Variants in CCSER2 observed in about 807,000 individuals in gnomAD.
CCSER2 encodes serine-rich coiled-coil domain-containing protein 2.
In CCSER2, 46 loss-of-function variants were observed where a neutral mutation model predicts 92.3. The ratio of observed to expected loss-of-function variants is 0.50; its 90% confidence interval spans 0.39 to 0.64. The LOEUF (loss-of-function observed/expected upper bound fraction) is 0.64, where lower values mean the gene tolerates loss of function less well. Among genes scored for constraint, CCSER2 ranks in the 30% least tolerant of loss-of-function variants. The pLI is 0.00. For missense variants in CCSER2, 1,244 were observed against 1,238.9 expected (o/e 1.00, Z -0.06); for synonymous variants, 433 against 431.4 (o/e 1.00, Z -0.04).
intron 6 of CCSER2, among the ~76,000 whole-genome samples, chr10:84,447,894 C>A (rs1031062518): frequency 6.6e-6 from 1 of 152,108 alleles, no homozygotes; most frequent in South Asian, 2.1e-4. Flanking sequence ...GCAGCCTCGA[C>A]CTCCTGGGCT....
intron 9 of CCSER2, among the ~76,000 whole-genome samples, chr10:84,502,981 TTG>T (rs1380730490): frequency 2.0e-5 from 3 of 152,098 alleles, no homozygotes; most frequent in Admixed American, 6.5e-5. Flanking sequence ...TCCCAGCACT[TTG>T]TGGGGCCGAG....
intron 9 of CCSER2, among the ~76,000 whole-genome samples, chr10:84,500,746 GTCAA>G (rs775139277): frequency 3.9e-5 from 6 of 152,146 alleles, no homozygotes; most frequent in South Asian, 2.1e-4. Flanking sequence ...TGTAAATACA[GTCAA>G]TCAGAGGTAT....
chr10:84,350,115 T>C (rs1277660887), intron 1 of CCSER2, among the ~76,000 whole-genome samples: 1 of 152,208 alleles, frequency 6.6e-6, no homozygotes, highest in African/African-American at 2.4e-5. Context: ...ATCATGCCAC[T>C]GCACTCCAGC....
chr10:84,444,252 GT>G (rs1844770920), intron 6 of CCSER2, among the ~76,000 whole-genome samples: 1 of 152,126 alleles, frequency 6.6e-6, no homozygotes, highest in African/African-American at 2.4e-5. Flanking sequence ...GCATTGTTCT[GT>G]TGGTAGTAGT....
At chr10:84,343,015 G>A (rs1194055768) in intron 1 of CCSER2, among the ~76,000 whole-genome samples, 2 of 152,108 alleles carry the variant, frequency 1.3e-5, no homozygotes, top group Admixed American at 1.3e-4. Flanking sequence ...TAGGATAACA[G>A]GCACCTGCCA....
chr10:84,376,152 A>G (rs1043130809), intron 3 of CCSER2, among the ~76,000 whole-genome samples: 25 of 152,226 alleles, frequency 1.6e-4, no homozygotes, highest in African/African-American at 5.5e-4. Context: ...AAGGATCCCA[A>G]CAAATAGTTT....
chr10:84,341,850 T>C (rs149380528), intron 1 of CCSER2, among the ~76,000 whole-genome samples: 3 of 152,276 alleles, frequency 2.0e-5, no homozygotes, highest in African/African-American at 7.2e-5. Context: ...TTAAGAAATA[T>C]AGATGAACAG....
chr10:84,511,101 G>T (rs1849324825), intron 9 of CCSER2, among the ~76,000 whole-genome samples: 1 of 152,070 alleles, frequency 6.6e-6, no homozygotes, highest in Non-Finnish European at 1.5e-5. Flanking sequence ...TAGTAGTATA[G>T]ATGTCTAACT....
rs527510651 is a variant in CCSER2 at position 84,360,987 on chromosome 10, C to T, written c.-39-10027C>T. Among the ~76,000 whole-genome samples, 3 of 152,168 alleles carry T rather than the reference C, an allele frequency of 2.0e-5. No homozygotes were observed. In the East Asian group the frequency reaches 5.8e-4, roughly 29 times the overall value. On this transcript the variant is annotated intron_variant, in intron 1 of 9. Coordinates refer to ENST00000372088, the MANE Select transcript of CCSER2 (RefSeq NM_001284240.2). ...ATGCACTGGATTTTTTTCCTGTGCC[C>T]CTGGGTGAGAAGTCTTGCTGCTGCT...
chr10:84,466,994 G>A (rs1246239707), intron 7 of CCSER2, among the ~76,000 whole-genome samples: 3 of 152,008 alleles, frequency 2.0e-5, no homozygotes, highest in Admixed American at 6.6e-5. Flanking sequence ...TCTTGAGTGC[G>A]CCTCCTCTAC....
chr10:84,514,569 A>G lies in CCSER2; in HGVS notation c.*302A>G. The stretch of plus-strand genomic sequence containing the variant: ...CACGTCAGAAAATTCATAATATTTT[A>G]CTGAGCAGGCAAGAAGTGTGCTTTG... On this transcript the variant is annotated 3_prime_UTR_variant, in exon 10 of 10. Coordinates refer to ENST00000372088, the MANE Select transcript of CCSER2 (RefSeq NM_001284240.2). The G allele has an allele frequency of 2.8e-6, 1 of 352,996 alleles. No individual in the cohort carries two copies. Among genetic ancestry groups the G allele is most frequent in the Non-Finnish European group, 5.1e-6 (1 of 195,530 alleles). 21.9% of individuals were successfully genotyped at this position (352,996 alleles called of 1,614,324 possible). A position where few individuals can be genotyped will look rare whatever the true frequency, so the allele number is the denominator to read the frequency against.
At chr10:84,352,497 G>A (rs1231929926) in intron 1 of CCSER2, among the ~76,000 whole-genome samples, 2 of 151,748 alleles carry the variant, frequency 1.3e-5, no homozygotes, top group African/African-American at 4.8e-5. Flanking sequence ...GAAGAATGAC[G>A]GGGGTGGGGA....
chr10:84,472,441 C>G (rs2133717143), intron 8 of CCSER2, among the ~76,000 whole-genome samples: 1 of 152,124 alleles, frequency 6.6e-6, no homozygotes, highest in Non-Finnish European at 1.5e-5. Flanking sequence ...TGTGGTGGTT[C>G]ACGCCTGTAG....
intron 3 of CCSER2, 77 bp downstream of exon 3, chr10:84,373,892 TA>T: frequency 1.9e-6 from 3 of 1,575,422 alleles, no homozygotes; most frequent in Non-Finnish European, 2.6e-6. Context: ...ATTGATTTTG[TA>T]AAAAATTTAT....
At chr10:84,445,752 AATATT>A (rs1207084261) in intron 6 of CCSER2, among the ~76,000 whole-genome samples, 3 of 152,216 alleles carry the variant, frequency 2.0e-5, no homozygotes, top group Non-Finnish European at 4.4e-5. Flanking sequence ...TCTTTTGCTT[AATATT>A]ATATTCATGA....
chr10:84,381,948 C>A (rs992966668), intron 3 of CCSER2, among the ~76,000 whole-genome samples: 14 of 149,954 alleles, frequency 9.3e-5, no homozygotes, highest in African/African-American at 3.4e-4. Flanking sequence ...GAACATCCGT[C>A]GTGGACAAGA....
intron 1 of CCSER2, among the ~76,000 whole-genome samples, chr10:84,346,792 GTTTAT>G (rs1001815926): frequency 2.0e-5 from 3 of 149,942 alleles, no homozygotes; most frequent in African/African-American, 7.4e-5. Flanking sequence ...TTATTTATTT[GTTTAT>G]TTTATTGATC....
chr10:84,378,015 G>A (rs933291322), intron 3 of CCSER2, among the ~76,000 whole-genome samples: 2 of 152,006 alleles, frequency 1.3e-5, no homozygotes, highest in Admixed American at 6.5e-5. Context: ...CATACCATTT[G>A]CAAAAAAGTT....
chr10:84,348,961 C>G (rs1024306479), intron 1 of CCSER2, among the ~76,000 whole-genome samples: 14 of 151,808 alleles, frequency 9.2e-5, no homozygotes, highest in African/African-American at 3.4e-4. Context: ...ATGTATTTCC[C>G]AGTCATAGGG....
Sources: allele counts gnomAD v4.1 joint callset (sites outside exome capture counted in the v4.1 genomes callset), GRCh38; gene constraint gnomAD v4.1.1; transcripts MANE v1.5; gene names NCBI Gene and HGNC (gene_info 2026-07-23, HGNC 2026-07-21).